Variants in TMEM232 observed in about 807,000 individuals in gnomAD.
TMEM232 encodes transmembrane protein 232.
A neutral mutation model predicts 78.8 loss-of-function variants in TMEM232; 80 were observed. The ratio of observed to expected loss-of-function variants is 1.01; its 90% CI spans 0.85 to 1.22. The LOEUF (loss-of-function observed/expected upper bound fraction) is 1.22. Ranked by LOEUF, TMEM232 falls within the 50% of genes most tolerant of loss-of-function variation. TMEM232 has a pLI of 0.00. For missense variants in TMEM232, 881 were observed against 742.2 expected (o/e 1.19, Z -2.17); for synonymous variants, 297 against 254.3 (o/e 1.17, Z -1.60).
In TMEM232 at chr5:110,623,494, T is replaced by C. The variant is rs532208555; in HGVS notation, c.768+1773A>G. 3.0e-4 allele frequency among the ~76,000 whole-genome samples: 46 copies of C among 152,296 alleles called. 1 individual carries two copies. Among genetic ancestry groups the C allele is most frequent in the African/African-American group, 1.1e-3 (46 of 41,586 alleles). ...TCATAAGGAAAGGAGATGAGATTGA[T>C]GCAAATGTATCTATTTCCATTTCTA... On this transcript the variant is annotated intron_variant, in intron 7 of 13. Coordinates refer to ENST00000455884, the MANE Select transcript of TMEM232 (RefSeq NM_001039763.4).
intron 13 of TMEM232, among the ~76,000 whole-genome samples, chr5:110,423,781 G>A (rs1018913971): frequency 2.1e-4 from 15 of 71,168 alleles, no homozygotes; most frequent in East Asian, 1.8e-3. Flanking sequence ...TTATGCGTGC[G>A]TGTGTGTGTG....
chr5:110,582,785 G>A (rs1034173658), intron 10 of TMEM232, among the ~76,000 whole-genome samples: 1 of 151,918 alleles, frequency 6.6e-6, no homozygotes, highest in Non-Finnish European at 1.5e-5. Context: ...AATCAAGTGC[G>A]TTAAAACCAA....
chr5:110,554,199 T>G (rs1774799523), intron 11 of TMEM232, among the ~76,000 whole-genome samples: 1 of 152,134 alleles, frequency 6.6e-6, no homozygotes, highest in Admixed American at 6.6e-5. Context: ...CCACCCTTAA[T>G]CTGGGTGAGC....
At chr5:110,524,302 TAAAA>T (rs1770065005) in intron 12 of TMEM232, among the ~76,000 whole-genome samples, 1 of 48,722 alleles carries the variant, frequency 2.1e-5, no homozygotes, top group South Asian at 5.3e-4. Context: ...GAGAAAGAAA[TAAAA>T]AGAAAGAAGG....
chr5:110,456,417 G>C (rs1210556143), intron 12 of TMEM232, among the ~76,000 whole-genome samples: 1 of 151,966 alleles, frequency 6.6e-6, no homozygotes. Context: ...AATAAAAGAG[G>C]TGTACAGTGT....
chr5:110,640,956 A>G lies in TMEM232; in HGVS notation c.278T>C (p.Val93Ala). The stretch of plus-strand genomic sequence containing the variant: ...TTCAGTCCATGCAGCAGGAAGATGC[A>G]CATGCCTTCCAGAGCCCAGGGTTTT... Reference protein sequence around the residue: ...GLKTLGSGRHVHLPAAWTEVI... With the variant: ...GLKTLGSGRHAHLPAAWTEVI... The change falls in exon 4 of 14, where the codon GTG (valine) becomes GCG (alanine). Residue 93 changes from valine (V) to alanine (A), a missense_variant. Physicochemically the swap from Val to Ala is moderately conservative, Grantham distance 64. Transcript: ENST00000455884. The G allele has an allele frequency of 6.5e-7, 1 of 1,539,872 alleles. No individual in the cohort carries two copies.
At chr5:110,569,060 T>C (rs1384074371) in intron 10 of TMEM232, among the ~76,000 whole-genome samples, 1 of 151,842 alleles carries the variant, frequency 6.6e-6, no homozygotes, top group Non-Finnish European at 1.5e-5. Flanking sequence ...AACATGGTAT[T>C]TGAACCAAGA....
At chr5:110,713,438 G>A (rs1189677085) in intron 1 of TMEM232, among the ~76,000 whole-genome samples, 1 of 151,956 alleles carries the variant, frequency 6.6e-6, no homozygotes, top group Non-Finnish European at 1.5e-5. Context: ...TATAAATGCT[G>A]AGGAGATAGA....
chr5:110,514,486 T>C (rs1370849306), intron 12 of TMEM232, among the ~76,000 whole-genome samples: 1 of 152,140 alleles, frequency 6.6e-6, no homozygotes, highest in Admixed American at 6.5e-5. Context: ...GTCCAGGCTC[T>C]TTATCTACCT....
intron 3 of TMEM232, among the ~76,000 whole-genome samples, chr5:110,392,532 G>A (rs1219169974): frequency 6.6e-6 from 1 of 152,186 alleles, no homozygotes; most frequent in Non-Finnish European, 1.5e-5. Flanking sequence ...CCAAGATCAA[G>A]GTGCCTGACA....
chr5:110,630,911 C>G lies in TMEM232; in HGVS notation c.502-3031G>C, dbSNP rs375563338. On this transcript the variant is annotated intron_variant, in intron 5 of 13. Transcript: ENST00000455884. Reference sequence around the variant, plus strand: ...CTACCCACATATTTCCTGACACTAACGTGGACAGTGAGCTAGAGACCCCTG... The same window carrying G: ...CTACCCACATATTTCCTGACACTAAGGTGGACAGTGAGCTAGAGACCCCTG... 9.2e-5 allele frequency among the ~76,000 whole-genome samples: 14 copies of G among 152,158 alleles called. No homozygotes were observed. The East Asian group carries it at 2.7e-3, about 30-fold the overall frequency.
At chr5:110,489,995 G>A (rs777864639) in intron 12 of TMEM232, among the ~76,000 whole-genome samples, 11 of 151,744 alleles carry the variant, frequency 7.2e-5, no homozygotes, top group South Asian at 4.2e-4. Context: ...GTGGTGGCGC[G>A]TGCCTATAGT....
At chr5:110,397,717 GTTCT>G (rs1166224396) in intron 3 of TMEM232, 8 of 152,442 alleles carry the variant, frequency 5.2e-5, no homozygotes, top group African/African-American at 1.9e-4. Context: ...TGTGTCCTCT[GTTCT>G]TTCTGTTAAA....
At chr5:110,513,208 A>G (rs915622951) in intron 12 of TMEM232, among the ~76,000 whole-genome samples, 1 of 152,212 alleles carries the variant, frequency 6.6e-6, no homozygotes, top group Non-Finnish European at 1.5e-5. Context: ...TGTACGAAGC[A>G]TAGTTCTGGC....
At chr5:110,695,918 T>C (rs191275071) in intron 1 of TMEM232, among the ~76,000 whole-genome samples, 19 of 152,010 alleles carry the variant, frequency 1.2e-4, no homozygotes, top group South Asian at 4.2e-4. Flanking sequence ...TTCCAATCGA[T>C]AGAAAAAAGA....
chr5:110,591,958 T>A (rs1438008344), intron 10 of TMEM232, among the ~76,000 whole-genome samples: 1 of 152,172 alleles, frequency 6.6e-6, no homozygotes, highest in Non-Finnish European at 1.5e-5. Flanking sequence ...AACCCTCCAT[T>A]TTCTGTGGTC....
chr5:110,424,453 T>C (rs780035754), intron 13 of TMEM232, among the ~76,000 whole-genome samples: 2 of 152,184 alleles, frequency 1.3e-5, no homozygotes, highest in Non-Finnish European at 2.9e-5. Flanking sequence ...CTTTCTGATC[T>C]GTCAAGGGTA....
At position 110,476,617 on chromosome 5, in the gene TMEM232, T is replaced by C. The variant is rs1580841233; in HGVS notation, c.1704-51701A>G. Among the ~76,000 whole-genome samples, 4 of 152,160 alleles carry C rather than the reference T, an allele frequency of 2.6e-5. 1 individual carries two copies. The highest frequency in any genetic ancestry group is 2.4e-5 in the African/African-American group (1 of 41,558). ...ATATAGAAAAATGTTATTGTAATGA[T>C]TCTAGATCTTCTATTCATACAAAGA... is the stretch of plus-strand genomic sequence containing the variant. On this transcript the variant is annotated intron_variant, in intron 12 of 13. Coordinates refer to ENST00000455884, the MANE Select transcript of TMEM232 (RefSeq NM_001039763.4).
chr5:110,669,129 A>T (rs1438366209), intron 1 of TMEM232, among the ~76,000 whole-genome samples: 1 of 152,226 alleles, frequency 6.6e-6, no homozygotes, highest in African/African-American at 2.4e-5. Flanking sequence ...AACTAAGAGC[A>T]GAGCAGAACT....
Sources: allele counts gnomAD v4.1 joint callset (sites outside exome capture counted in the v4.1 genomes callset), GRCh38; gene constraint gnomAD v4.1.1; transcripts MANE v1.5; gene names NCBI Gene and HGNC (gene_info 2026-07-23, HGNC 2026-07-21).